Variants in PHEX observed in about 807,000 individuals in gnomAD.
The protein encoded by PHEX is phosphate-regulating neutral endopeptidase PHEX.
Under a neutral mutation model 68.0 loss-of-function variants are expected in PHEX, and 16 were observed. The observed-to-expected ratio is 0.24, with a 90% CI of 0.16 to 0.36. PHEX has a LOEUF of 0.36. Among genes scored for constraint, PHEX ranks in the 10% least tolerant of loss-of-function variants. The pLI is 1.00. For synonymous variants in PHEX, 208 were observed against 205.1 expected, an observed-to-expected ratio of 1.01 and a Z score of -0.12; for missense variants, 480 against 575.5, an observed-to-expected ratio of 0.83 and a Z score of 1.70.
intron 7 of PHEX, 67 bp downstream of exon 7, chrX:22,094,166 T>C (rs1930032936): frequency 1.6e-6 from 1 of 633,735 alleles, no homozygotes; most frequent in Admixed American, 2.4e-5. Flanking sequence ...TTTCTTTTCC[T>C]TTCCTTTTAT....
chrX:22,183,157 C>A (rs752568911), intron 14 of PHEX, among the ~76,000 whole-genome samples: 12 of 110,304 alleles, frequency 1.1e-4, no homozygotes, highest in Middle Eastern at 4.7e-3. Context: ...TTTTATGCTG[C>A]CTAGTCTTTT....
intron 20 of PHEX, among the ~76,000 whole-genome samples, chrX:22,231,919 T>C (rs1219352638): frequency 1.8e-5 from 2 of 112,279 alleles, no homozygotes; most frequent in Non-Finnish European, 3.8e-5. Context: ...GCTATAAATT[T>C]CTCTCTACAC....
intron 3 of PHEX, among the ~76,000 whole-genome samples, chrX:22,071,948 T>A (rs1019036334): frequency 1.1e-5 from 1 of 95,128 alleles, no homozygotes; most frequent in Middle Eastern, 6.5e-3. Flanking sequence ...AAATACAGGC[T>A]GGGCGCGGTG....
chrX:22,224,680 C>T (rs1002221155), intron 18 of PHEX, among the ~76,000 whole-genome samples: 1 of 110,752 alleles, frequency 9.0e-6, no homozygotes, highest in Non-Finnish European at 1.9e-5. Context: ...TTACCTCATA[C>T]GACTGTGGAT....
At chrX:22,220,640 C>A (rs1292103939) in intron 17 of PHEX, among the ~76,000 whole-genome samples, 1 of 112,014 alleles carries the variant, frequency 8.9e-6, no homozygotes, top group Non-Finnish European at 1.9e-5. Context: ...ACTCTGTAAC[C>A]AATGCTTAGA....
chrX:22,095,291 A>G (rs1366249211), intron 7 of PHEX, among the ~76,000 whole-genome samples: 1 of 111,895 alleles, frequency 8.9e-6, no homozygotes, highest in African/African-American at 3.2e-5. Context: ...CCATGTCTAG[A>G]GTCTGTCTGA....
intron 15 of PHEX, 142 bp from the exon 16 acceptor site, chrX:22,212,762 A>G: frequency 1.8e-6 from 1 of 547,475 alleles, no homozygotes; most frequent in Non-Finnish European, 3.3e-6. Flanking sequence ...TCATTGAGAC[A>G]GCTAGATCTC....
chrX:22,140,320 A>G (rs1932403711), intron 12 of PHEX, among the ~76,000 whole-genome samples: 1 of 110,669 alleles, frequency 9.0e-6, no homozygotes, highest in Admixed American at 9.6e-5. Flanking sequence ...TGTCTCTGCT[A>G]AAGAGCCCTG....
intron 20 of PHEX, among the ~76,000 whole-genome samples, chrX:22,243,659 C>T (rs1239847453): frequency 8.9e-6 from 1 of 112,334 alleles, no homozygotes; most frequent in East Asian, 2.8e-4. Flanking sequence ...ATTTATGCAG[C>T]CAACAAACAT....
At chrX:22,049,333 C>T (rs1234440980) in intron 3 of PHEX, among the ~76,000 whole-genome samples, 18 of 109,558 alleles carry the variant, frequency 1.6e-4, no homozygotes, top group African/African-American at 5.6e-4. Context: ...AGGCTAGTCT[C>T]GAACTCCTGA....
At chrX:22,142,605 G>A (rs1932518331) in intron 12 of PHEX, among the ~76,000 whole-genome samples, 2 of 112,120 alleles carry the variant, frequency 1.8e-5, no homozygotes, top group South Asian at 7.4e-4. Flanking sequence ...TCATCCTTTG[G>A]CAATGCCCTT....
intron 11 of PHEX, among the ~76,000 whole-genome samples, chrX:22,126,829 T>C (rs1931743581): frequency 9.2e-6 from 1 of 109,135 alleles, no homozygotes; most frequent in South Asian, 4.0e-4. Context: ...TGAACTGTAT[T>C]TTTATAGTGT....
rs1010772048 is a variant in PHEX, at chrX:22,251,169, C to T, written c.*3216C>T. ...ACATTCTCATCACCAGTGACAGTGT[C>T]CTACTGGTTTGAAGAAAGATATTCT... On this transcript the variant is annotated 3_prime_UTR_variant, in exon 22 of 22. Transcript: ENST00000379374. 8.9e-6 allele frequency: 1 copy of T among 112,215 alleles called. No homozygotes were observed. Among genetic ancestry groups the T allele is most frequent in the Non-Finnish European group, 1.9e-5 (1 of 53,258 alleles). 9.2% of individuals were successfully genotyped at this position (112,215 alleles called of 1,213,427 possible). A position where few individuals can be genotyped will look rare whatever the true frequency, so the allele number is the denominator to read the frequency against.
At position 22,249,455 on chromosome X, in the gene PHEX, A is replaced by AAAAAAAAAAAAATAT; in HGVS notation, c.*1503_*1504insAAAAAAAAAAATATA. 1.8e-4 allele frequency: 7 copies of AAAAAAAAAAAAATAT among 39,752 alleles called. No homozygotes were observed. Among genetic ancestry groups the AAAAAAAAAAAAATAT allele is most frequent in the African/African-American group, 1.2e-3 (7 of 6,011 alleles). 3.3% of individuals were successfully genotyped at this position (39,752 alleles called of 1,213,427 possible). A position where few individuals can be genotyped will look rare whatever the true frequency, so the allele number is the denominator to read the frequency against. On this transcript the variant is annotated 3_prime_UTR_variant, in exon 22 of 22. Transcript: ENST00000379374. ...TTGTGATTCTTTTAAAAAAAAAAAA[A>AAAAAAAAAAAAATAT]ATATATATATATATATATATATATA...
chrX:22,075,666 C>A (rs1429027492), intron 3 of PHEX, among the ~76,000 whole-genome samples: 2 of 111,722 alleles, frequency 1.8e-5, no homozygotes, highest in Non-Finnish European at 1.9e-5. Context: ...ATAGTGACAA[C>A]TATCATTTTC....
rs1222126041 is a variant in PHEX at position 22,032,908 on chromosome X, G to A, written c.-98G>A. 2 of 617,695 alleles carry A rather than the reference G, an allele frequency of 3.2e-6. No individual in the cohort carries two copies. The highest frequency in any genetic ancestry group is 4.4e-5 in the African/African-American group (2 of 45,553). The allele number at this position is 617,695 out of a possible 1,213,427, so 50.9% of individuals were successfully genotyped here. The stretch of plus-strand genomic sequence containing the variant: ...TTTCTTAAGCTGTCCATTAGTAGAA[G>A]AGCAAGAAAGCCTTGGATGTCAACG... On this transcript the variant is annotated 5_prime_UTR_variant, in exon 1 of 22. Transcript: ENST00000379374.
intron 2 of PHEX, among the ~76,000 whole-genome samples, chrX:22,044,718 AT>A (rs199943397): frequency 2.8e-4 from 22 of 78,164 alleles, no homozygotes; most frequent in African/African-American, 1.0e-3. Context: ...GTCTCAAAAA[AT>A]AAATAAATAA....
intron 11 of PHEX, among the ~76,000 whole-genome samples, chrX:22,130,847 C>G (rs1451830192): frequency 1.8e-5 from 2 of 109,994 alleles, no homozygotes; most frequent in Non-Finnish European, 3.8e-5. Context: ...CTCCTTGACC[C>G]TTAATTTCCT....
intron 8 of PHEX, among the ~76,000 whole-genome samples, chrX:22,098,795 C>CA (rs746223770): frequency 0.095 from 1,081 of 11,336 alleles, 311 homozygotes; most frequent in East Asian, 0.18. Context: ...GAGAATGTCT[C>CA]AAAAAAAAAA....
Sources: gnomAD v4.1 joint callset for allele counts (sites outside exome capture counted in the v4.1 genomes callset) on GRCh38, gnomAD v4.1.1 for gene constraint, MANE v1.5 for transcripts, NCBI Gene and HGNC (gene_info 2026-07-23, HGNC 2026-07-21) for gene names.